Variants in MCUB observed in about 807,000 individuals in gnomAD.
The protein encoded by MCUB is calcium uniporter regulatory subunit MCUb, mitochondrial.
In MCUB, 46 loss-of-function variants were observed where a neutral mutation model predicts 41.4. That is an observed-to-expected ratio of 1.11 (90% CI 0.88 to 1.42). The LOEUF is 1.42. MCUB is among the 40% of genes most tolerant of loss of function. MCUB has a pLI of 0.00. For missense variants in MCUB, 403 were observed against 404.9 expected (o/e 1.00, Z 0.04); for synonymous variants, 148 against 148.2 (o/e 1.00, Z 0.01).
chr4:109,589,626 C>G (rs1375590853), intron 1 of MCUB, among the ~76,000 whole-genome samples: 1 of 152,172 alleles, frequency 6.6e-6, no homozygotes, highest in African/African-American at 2.4e-5. Context: ...GTAGTGTTCA[C>G]ACAAATTCCT....
intron 1 of MCUB, among the ~76,000 whole-genome samples, chr4:109,640,017 G>A (rs1439189162): frequency 2.0e-5 from 3 of 152,202 alleles, no homozygotes; most frequent in South Asian, 2.1e-4. Flanking sequence ...GGGTGCAGGC[G>A]GGCTGAGTCA....
At chr4:109,651,279 C>G (rs1039944366) in intron 1 of MCUB, among the ~76,000 whole-genome samples, 1 of 152,198 alleles carries the variant, frequency 6.6e-6, no homozygotes, top group Non-Finnish European at 1.5e-5. Flanking sequence ...CTTTGACCTG[C>G]CTTCTGGGTT....
chr4:109,684,148 C>T (rs929474591), intron 5 of MCUB, among the ~76,000 whole-genome samples: 3 of 151,506 alleles, frequency 2.0e-5, no homozygotes, highest in African/African-American at 7.3e-5. Context: ...CTGCAAGCTC[C>T]ACCTCCTGGG....
At chr4:109,677,235 A>G (rs1030837047) in intron 4 of MCUB, among the ~76,000 whole-genome samples, 3 of 152,212 alleles carry the variant, frequency 2.0e-5, no homozygotes, top group Admixed American at 6.5e-5. Context: ...CAGTGGAAAT[A>G]TCTATCCCAT....
chr4:109,665,379 A>G (rs1729319646), intron 4 of MCUB, among the ~76,000 whole-genome samples: 2 of 152,178 alleles, frequency 1.3e-5, no homozygotes, highest in South Asian at 4.1e-4. Flanking sequence ...GCTTATATCA[A>G]TTAGCCTATG....
chr4:109,581,374 A>G (rs533159706), intron 1 of MCUB, among the ~76,000 whole-genome samples: 11 of 152,304 alleles, frequency 7.2e-5, no homozygotes, highest in African/African-American at 2.6e-4. Flanking sequence ...CTTATAGAAA[A>G]ATTAATTCAA....
In MCUB at chr4:109,570,828, C is replaced by T. The variant is rs187411245; in HGVS notation, c.99+10392C>T. 2.4e-3 allele frequency among the ~76,000 whole-genome samples: 370 copies of T among 152,210 alleles called. 1 individual carries two copies. The highest frequency in any genetic ancestry group is 8.3e-3 in the African/African-American group (345 of 41,540). On this transcript the variant is annotated intron_variant, in intron 1 of 7. Coordinates refer to ENST00000394650, the MANE Select transcript of MCUB (RefSeq NM_017918.5). ...GGAGCTGGAATAACAGGAATGGATA[C>T]AATGGAAAAACAGGAGGAATGTAAA...
At chr4:109,622,719 C>T (rs575283118) in intron 1 of MCUB, among the ~76,000 whole-genome samples, 1 of 152,304 alleles carries the variant, frequency 6.6e-6, no homozygotes, top group South Asian at 2.1e-4. Flanking sequence ...CATCATACAC[C>T]TTATCACATG....
chr4:109,567,545 G>A (rs997305182), intron 1 of MCUB, among the ~76,000 whole-genome samples: 8 of 142,306 alleles, frequency 5.6e-5, no homozygotes, highest in African/African-American at 1.6e-4. Context: ...ATGGTGGCAC[G>A]TGCCTGTAAT....
intron 1 of MCUB, among the ~76,000 whole-genome samples, chr4:109,627,718 GC>G (rs1392333365): frequency 2.6e-5 from 4 of 152,124 alleles, no homozygotes; most frequent in African/African-American, 9.7e-5. Flanking sequence ...TTCGAGACCA[GC>G]CTGGCCAACA....
intron 1 of MCUB, among the ~76,000 whole-genome samples, chr4:109,644,272 G>A (rs1013018459): frequency 7.9e-5 from 12 of 152,128 alleles, no homozygotes; most frequent in African/African-American, 1.9e-4. Flanking sequence ...AAAATATGAC[G>A]GAAATAAATT....
At chr4:109,566,245 A>G (rs1036194040) in intron 1 of MCUB, among the ~76,000 whole-genome samples, 7 of 151,142 alleles carry the variant, frequency 4.6e-5, no homozygotes, top group Non-Finnish European at 8.9e-5. Flanking sequence ...CAAGGTGGGC[A>G]GATCACGAGG....
intron 1 of MCUB, among the ~76,000 whole-genome samples, chr4:109,628,344 C>T (rs929256151): frequency 1.3e-5 from 2 of 152,124 alleles, no homozygotes; most frequent in Non-Finnish European, 2.9e-5. Context: ...TAGGCAGAGG[C>T]CAGACAAGGC....
chr4:109,563,008 A>C (rs137856051), intron 1 of MCUB, among the ~76,000 whole-genome samples: 2 of 152,346 alleles, frequency 1.3e-5, no homozygotes, highest in Non-Finnish European at 2.9e-5. Flanking sequence ...GGTGGCCATA[A>C]TCACGCTCTG....
intron 1 of MCUB, among the ~76,000 whole-genome samples, chr4:109,641,181 C>G (rs1245454351): frequency 6.6e-6 from 1 of 152,170 alleles, no homozygotes; most frequent in African/African-American, 2.4e-5. Flanking sequence ...CAAGCTTCGC[C>G]TCCCGGGTTC....
chr4:109,566,920 G>A (rs72674807), intron 1 of MCUB, among the ~76,000 whole-genome samples: 5,330 of 152,242 alleles, frequency 0.035, 144 homozygotes, highest in Non-Finnish European at 0.052. Context: ...AGACCAGCCT[G>A]ACCAATATGG....
rs56813205 is a variant in MCUB at position 109,612,263 on chromosome 4, C to CTTTTTTT, written c.100-46735_100-46729dup. 1.0e-4 allele frequency among the ~76,000 whole-genome samples: 12 copies of CTTTTTTT among 114,808 alleles called. 1 individual carries two copies. Among genetic ancestry groups the CTTTTTTT allele is most frequent in the African/African-American group, 1.0e-4 (3 of 29,736 alleles). 75.3% of individuals were successfully genotyped at this position (114,808 alleles called of 152,430 possible). ...GGTATTTCTTCCTCCTCCTCCTTTT[C>CTTTTTTT]TTTTTTTTTTTTTTTTTTTGAGAGC... is the stretch of plus-strand genomic sequence containing the variant. On this transcript the variant is annotated intron_variant, in intron 1 of 7. Transcript: ENST00000394650.
chr4:109,568,083 A>G (rs1285192311), intron 1 of MCUB, among the ~76,000 whole-genome samples: 1 of 152,024 alleles, frequency 6.6e-6, no homozygotes, highest in East Asian at 1.9e-4. Context: ...GGGGGGAAAA[A>G]TTATTTTAGA....
chr4:109,572,631 A>C (rs1726939426), intron 1 of MCUB, among the ~76,000 whole-genome samples: 1 of 152,132 alleles, frequency 6.6e-6, no homozygotes, highest in South Asian at 2.1e-4. Context: ...ATTTAGAAAG[A>C]GATTAATAAC....
Sources: gnomAD v4.1 joint callset for allele counts (sites outside exome capture counted in the v4.1 genomes callset) on GRCh38, gnomAD v4.1.1 for gene constraint, MANE v1.5 for transcripts, NCBI Gene and HGNC (gene_info 2026-07-23, HGNC 2026-07-21) for gene names.